Variants in ABLIM3 observed in about 807,000 individuals in gnomAD.
ABLIM3 encodes the protein actin-binding LIM protein 3.
ABLIM3 carries 61 observed loss-of-function variants against 109.5 expected under a neutral mutation model. The observed-to-expected ratio is 0.56, with a 90% CI of 0.45 to 0.69. The LOEUF (loss-of-function observed/expected upper bound fraction) is 0.69. Among genes scored for constraint, ABLIM3 ranks in the 30% least tolerant of loss-of-function variants. The pLI is 0.00. For synonymous variants in ABLIM3, 300 were observed against 324.8 expected, an observed-to-expected ratio of 0.92 and a Z score of 0.82; for missense variants, 796 against 889.5, an observed-to-expected ratio of 0.89 and a Z score of 1.34.
chr5:149,146,159 T>G (rs1281034931), intron 2 of ABLIM3, among the ~76,000 whole-genome samples: 1 of 152,032 alleles, frequency 6.6e-6, no homozygotes, highest in Non-Finnish European at 1.5e-5. Context: ...GGCGTGGGGT[T>G]TGTTTTTGTT....
chr5:149,161,409 G>T (rs1162744934), intron 2 of ABLIM3, among the ~76,000 whole-genome samples: 1 of 152,116 alleles, frequency 6.6e-6, no homozygotes, highest in African/African-American at 2.4e-5. Context: ...TCTCTGCCTG[G>T]CTGTCTCTCT....
intron 2 of ABLIM3, 122 bp from the exon 3 acceptor site, chr5:149,183,330 A>G (rs1345541445): frequency 4.2e-6 from 5 of 1,181,814 alleles, no homozygotes; most frequent in Non-Finnish European, 5.8e-6. Context: ...AATTGAAGAT[A>G]CTTTGCACAT....
In ABLIM3 at chr5:149,250,525, G is replaced by T; in HGVS notation, c.1788+20G>T. 1 of 1,614,112 alleles carries T rather than the reference G, an allele frequency of 6.2e-7. No homozygotes were observed. Among genetic ancestry groups the T allele is most frequent in the Non-Finnish European group, 8.5e-7 (1 of 1,179,970 alleles). ...CACAGGGTAAGAAGCTGTGCTGGAG[G>T]ATGGGGGAGGACGTTGTCCCCAAAA... On this transcript the variant is annotated intron_variant, in intron 20 of 23. Coordinates refer to ENST00000309868, the MANE Select transcript of ABLIM3 (RefSeq NM_014945.5).
chr5:149,154,031 T>C (rs1439592432), intron 2 of ABLIM3, among the ~76,000 whole-genome samples: 9 of 152,236 alleles, frequency 5.9e-5, no homozygotes, highest in Non-Finnish European at 1.3e-4. Flanking sequence ...CATGGGCTGT[T>C]ACTCTTGCCC....
intron 17 of ABLIM3, 40 bp downstream of exon 17, chr5:149,246,586 G>C: frequency 6.3e-7 from 1 of 1,592,046 alleles, no homozygotes; most frequent in Non-Finnish European, 8.6e-7. Flanking sequence ...TGCTTAGAGC[G>C]TATATCACTG....
chr5:149,247,871 C>T lies in ABLIM3; in HGVS notation c.1641C>T (p.Ser547=), dbSNP rs1394431396. ...SYADPWTPPR[S]STSSREALHT... ...CAGATCCCTGGACCCCTCCCCGGAGCTCCACCAGCAGCCGGGAAGCCCTGC... is the reference window on the plus strand; with the variant it reads ...CAGATCCCTGGACCCCTCCCCGGAGTTCCACCAGCAGCCGGGAAGCCCTGC... The change falls in exon 18 of 24, where the codon AGC becomes AGT. Residue 547 remains serine (S), a synonymous_variant. Transcript: ENST00000309868. 2 of 1,614,148 alleles carry T rather than the reference C, an allele frequency of 1.2e-6. No homozygotes were observed. The highest frequency in any genetic ancestry group is 2.7e-5 in the African/African-American group (2 of 74,956).
intron 10 of ABLIM3, among the ~76,000 whole-genome samples, chr5:149,234,886 C>T (rs891154475): frequency 2.6e-5 from 4 of 152,162 alleles, no homozygotes; most frequent in African/African-American, 2.4e-5. Flanking sequence ...GCTGGTCTCC[C>T]GGTGCTACTG....
Position 149,259,292 on chromosome 5 carries a change from A to G in ABLIM3, c.*888A>G, listed in dbSNP as rs1754708214. The G allele has an allele frequency of 7.3e-7, 1 of 1,372,360 alleles. No individual in the cohort carries two copies. Among genetic ancestry groups the G allele is most frequent in the Admixed American group, 3.1e-5 (1 of 32,712 alleles). The allele number at this position is 1,372,360 out of a possible 1,614,324, so 85.0% of individuals were successfully genotyped here. On this transcript the variant is annotated 3_prime_UTR_variant, in exon 24 of 24. Transcript: ENST00000309868. ...TCCCTCTTTCAAGGAGAAGCCCATG[A>G]TTGCAGCTTGTATTCTTTAGCCTTA...
intron 3 of ABLIM3, among the ~76,000 whole-genome samples, chr5:149,189,069 T>A (rs922093929): frequency 2.0e-5 from 3 of 152,230 alleles, no homozygotes; most frequent in Admixed American, 6.5e-5. Flanking sequence ...TTATGGTTGG[T>A]TAATTTTCAA....
intron 3 of ABLIM3, among the ~76,000 whole-genome samples, chr5:149,189,742 A>G (rs1242102708): frequency 1.3e-5 from 2 of 152,252 alleles, no homozygotes; most frequent in Non-Finnish European, 2.9e-5. Context: ...GAACTCTCAT[A>G]CATTGCTGGT....
chr5:149,239,355 G>A (rs939849981), intron 12 of ABLIM3, 78 bp downstream of exon 12: 15 of 1,498,406 alleles, frequency 1.0e-5, no homozygotes, highest in South Asian at 4.5e-5. Context: ...CCAGCCCCCC[G>A]AAGGTGTCTG....
intron 3 of ABLIM3, among the ~76,000 whole-genome samples, chr5:149,187,750 C>T (rs1757108743): frequency 2.0e-5 from 3 of 152,224 alleles, no homozygotes; most frequent in Admixed American, 6.5e-5. Context: ...ATTCTGATCA[C>T]ATGCTCCACC....
intron 3 of ABLIM3, among the ~76,000 whole-genome samples, chr5:149,193,397 T>G (rs930409000): frequency 1.3e-5 from 2 of 152,018 alleles, no homozygotes; most frequent in Admixed American, 6.5e-5. Flanking sequence ...GAAATAAATT[T>G]TATAAAGTTG....
rs1287326557 is a variant in ABLIM3 at position 149,198,979 on chromosome 5, T to C, written c.335+577T>C. The C allele has an allele frequency of 8.9e-6, 4 of 451,400 alleles. No homozygotes were observed. Among genetic ancestry groups the C allele is most frequent in the African/African-American group, 6.0e-5 (3 of 49,992 alleles). 28.0% of individuals were successfully genotyped at this position (451,400 alleles called of 1,614,324 possible). On this transcript the variant is annotated intron_variant, in intron 4 of 23. Transcript: ENST00000309868. This position sits in a 1 kb window ranked among gnomAD's most constrained non-coding sequence, Gnocchi z 4.2. ...AAAGGCATTAGCTCAGTGATCAGTA[T>C]GTGAGAGTGTCTGTTTTTATTATCC...
At chr5:149,210,631 A>G (rs1332449176) in intron 6 of ABLIM3, 95 bp from the exon 7 acceptor site, 1 of 1,018,956 alleles carries the variant, frequency 9.8e-7, no homozygotes, top group African/African-American at 1.6e-5. Flanking sequence ...ACTTTGGCTC[A>G]GTCAACATAG....
At chr5:149,184,480 A>G (rs1756764661) in intron 3 of ABLIM3, among the ~76,000 whole-genome samples, 1 of 152,182 alleles carries the variant, frequency 6.6e-6, no homozygotes, top group Admixed American at 6.5e-5. Flanking sequence ...GGTTTTCCCC[A>G]TGTCAAACTA....
intron 2 of ABLIM3, among the ~76,000 whole-genome samples, chr5:149,170,853 T>C (rs1231838052): frequency 2.0e-5 from 3 of 152,240 alleles, no homozygotes; most frequent in Non-Finnish European, 4.4e-5. Flanking sequence ...TTCCTCCTAC[T>C]GTCTTTTGGT....
At chr5:149,168,371 C>T (rs1425243431) in intron 2 of ABLIM3, among the ~76,000 whole-genome samples, 1 of 152,170 alleles carries the variant, frequency 6.6e-6, no homozygotes, top group African/African-American at 2.4e-5. Flanking sequence ...TGTTGAAGGA[C>T]TGACTTTGGT....
At chr5:149,186,867 A>T (rs1370909302) in intron 3 of ABLIM3, among the ~76,000 whole-genome samples, 1 of 152,154 alleles carries the variant, frequency 6.6e-6, no homozygotes, top group Non-Finnish European at 1.5e-5. Context: ...ACAACAGTGC[A>T]TTATAAGCAA....
Sources: allele counts gnomAD v4.1 joint callset (sites outside exome capture counted in the v4.1 genomes callset), GRCh38; gene constraint gnomAD v4.1.1; non-coding constraint Gnocchi (gnomAD v3.1); transcripts MANE v1.5; gene names NCBI Gene and HGNC (gene_info 2026-07-23, HGNC 2026-07-21).